The following STK3 variants were observed in gnomAD, a reference collection of about 807,000 sequenced individuals.
STK3 encodes serine/threonine-protein kinase 3.
STK3 carries 41 observed loss-of-function variants against 58.0 expected under a neutral mutation model. That is an observed-to-expected ratio of 0.71 (90% CI 0.55 to 0.92). The LOEUF (loss-of-function observed/expected upper bound fraction) is 0.92, where lower values mean the gene tolerates loss of function less well. Ranked by LOEUF, STK3 falls within the 40% of genes least tolerant of loss-of-function variation. The pLI is 0.00. For missense variants in STK3, 479 were observed against 602.7 expected, an observed-to-expected ratio of 0.79 and a Z score of 2.15; for synonymous variants, 170 against 191.0, an observed-to-expected ratio of 0.89 and a Z score of 0.91.
At chr8:98,811,934 C>T (rs534142522) in intron 1 of STK3, among the ~76,000 whole-genome samples, 1 of 152,344 alleles carries the variant, frequency 6.6e-6, no homozygotes, top group African/African-American at 2.4e-5. Flanking sequence ...CTCAGCCTCC[C>T]AAGTAGCTGG....
chr8:98,396,679 C>G (rs533714415), downstream of STK3, among the ~76,000 whole-genome samples: 1 of 152,316 alleles, frequency 6.6e-6, no homozygotes, highest in East Asian at 1.9e-4. Flanking sequence ...TACTTAGGTC[C>G]AGACTCAAAC....
At chr8:98,908,633 G>A (rs1839007657) in intron 1 of STK3, among the ~76,000 whole-genome samples, 1 of 152,124 alleles carries the variant, frequency 6.6e-6, no homozygotes, top group Admixed American at 6.5e-5. Flanking sequence ...ATCACCTGAG[G>A]TCAGTTCAAG....
intron 1 of STK3, among the ~76,000 whole-genome samples, chr8:98,924,227 C>T (rs1839698115): frequency 6.6e-6 from 1 of 152,172 alleles, no homozygotes; most frequent in Non-Finnish European, 1.5e-5. Context: ...GCAGGGAGAA[C>T]CTTGTCTGTT....
At chr8:98,669,754 G>C (rs1446311156) in intron 6 of STK3, among the ~76,000 whole-genome samples, 1 of 152,154 alleles carries the variant, frequency 6.6e-6, no homozygotes, top group East Asian at 1.9e-4. Context: ...TACAACACTT[G>C]TGTCAAACAA....
At chr8:98,645,983 T>C (rs1820371878) in intron 6 of STK3, among the ~76,000 whole-genome samples, 1 of 152,130 alleles carries the variant, frequency 6.6e-6, no homozygotes, top group Non-Finnish European at 1.5e-5. Context: ...TCACCACTTT[T>C]CAATGTCAAC....
intron 6 of STK3, among the ~76,000 whole-genome samples, chr8:98,659,618 A>G (rs1302891356): frequency 1.3e-5 from 2 of 151,986 alleles, no homozygotes; most frequent in Non-Finnish European, 1.5e-5. Flanking sequence ...GATGCAGTGT[A>G]GAGTTTGCAT....
chr8:98,530,133 T>C (rs1290524449), intron 9 of STK3, among the ~76,000 whole-genome samples: 2 of 152,224 alleles, frequency 1.3e-5, no homozygotes, highest in Admixed American at 6.5e-5. Flanking sequence ...GTTTGTTTGT[T>C]TGCCTTCACA....
chr8:98,829,681 C>T (rs1043922857), upstream of STK3, among the ~76,000 whole-genome samples: 1 of 152,276 alleles, frequency 6.6e-6, no homozygotes, highest in Middle Eastern at 3.4e-3. Context: ...CTTTAAGACT[C>T]CAAAGCTGGA....
intron 3 of STK3, among the ~76,000 whole-genome samples, 173 bp downstream of exon 3, chr8:98,767,070 G>A (rs1257166948): frequency 3.9e-5 from 6 of 152,116 alleles, no homozygotes; most frequent in African/African-American, 1.4e-4. Context: ...GTGGTGAGCC[G>A]AGATGGCGCC....
chr8:98,356,800 T>G, the STK3 span, among the ~76,000 whole-genome samples: 4 of 152,224 alleles, frequency 2.6e-5, no homozygotes, highest in Non-Finnish European at 5.9e-5. Flanking sequence ...TGGAGTCAAT[T>G]TTTAATATTT....
intron 10 of STK3, among the ~76,000 whole-genome samples, chr8:98,460,487 A>G (rs1209718946): frequency 6.6e-6 from 1 of 152,194 alleles, no homozygotes; most frequent in Non-Finnish European, 1.5e-5. Flanking sequence ...TTGGGGAACT[A>G]TTGAAAAGGC....
At chr8:98,692,686 T>C (rs1280124025) in intron 6 of STK3, among the ~76,000 whole-genome samples, 2 of 152,148 alleles carry the variant, frequency 1.3e-5, no homozygotes, top group East Asian at 3.8e-4. Flanking sequence ...GGCAATGAAT[T>C]GTATAGAGTA....
chr8:98,891,622 T>C (rs1838202687), intron 1 of STK3, among the ~76,000 whole-genome samples: 1 of 138,332 alleles, frequency 7.2e-6, no homozygotes, highest in South Asian at 2.2e-4. Flanking sequence ...TGTGTGTGTG[T>C]GTGTGAGAGA....
chr8:98,548,749 A>T (rs905000934), intron 8 of STK3, among the ~76,000 whole-genome samples: 2 of 152,024 alleles, frequency 1.3e-5, no homozygotes, highest in African/African-American at 4.8e-5. Flanking sequence ...GGCAACCTCT[A>T]TTGTACTTAC....
intron 6 of STK3, among the ~76,000 whole-genome samples, chr8:98,654,722 C>T (rs997407262): frequency 8.5e-5 from 13 of 152,092 alleles, no homozygotes; most frequent in African/African-American, 2.7e-4. Context: ...CATGAGTGAA[C>T]TCCCATTCAC....
At chr8:98,536,720 T>G (rs537501236) in intron 9 of STK3, among the ~76,000 whole-genome samples, 13 of 152,332 alleles carry the variant, frequency 8.5e-5, no homozygotes, top group African/African-American at 3.1e-4. Flanking sequence ...AGAAAAGAAA[T>G]TAATCTTATT....
At chr8:98,360,700 A>C in the STK3 span, among the ~76,000 whole-genome samples, 1 of 152,066 alleles carries the variant, frequency 6.6e-6, no homozygotes, top group Non-Finnish European at 1.5e-5. Flanking sequence ...CATTACTTTA[A>C]TATTTTACGA....
intron 6 of STK3, among the ~76,000 whole-genome samples, chr8:98,645,507 C>T (rs1296999323): frequency 6.6e-6 from 1 of 152,088 alleles, no homozygotes; most frequent in Non-Finnish European, 1.5e-5. Flanking sequence ...CCCTTTCTTG[C>T]TAAACACTGT....
At position 98,548,112 on chromosome 8, in the gene STK3, C is replaced by A. The variant is rs1810869929; in HGVS notation, c.998G>T (p.Ser333Ile). The A allele has an allele frequency of 6.2e-7, 1 of 1,602,910 alleles. No homozygotes were observed. The highest frequency in any genetic ancestry group is 8.5e-7 in the Non-Finnish European group (1 of 1,175,102). The change falls in exon 9 of 11, where the codon AGT becomes ATT. Residue 333 changes from serine to isoleucine, a missense_variant. By Grantham distance (142) the Ser-to-Ile change is moderately radical. Transcript: ENST00000419617. The stretch of plus-strand genomic sequence containing the variant: ...GCTTGTGGCCCGCATGGTGCCCACA[C>A]TCTCCACACTAGTCTTCACCATGGT... ...SHTMVKTSVE[S>I]VGTMRATSTM...
Sources: allele counts gnomAD v4.1 joint callset (sites outside exome capture counted in the v4.1 genomes callset), GRCh38; gene constraint gnomAD v4.1.1; transcripts MANE v1.5; gene names NCBI Gene and HGNC (gene_info 2026-07-23, HGNC 2026-07-21).